Variants in STXBP5L observed in about 807,000 individuals in gnomAD.
STXBP5L encodes the protein syntaxin binding protein 5L, also known as syntaxin-binding protein 5-like.
STXBP5L carries 65 observed loss-of-function variants against 144.5 expected under a neutral mutation model. The observed-to-expected ratio is 0.45, with a 90% CI of 0.37 to 0.55. STXBP5L has a LOEUF of 0.55. Ranked by LOEUF, STXBP5L falls within the 20% of genes least tolerant of loss-of-function variation. STXBP5L has a pLI of 0.00. For synonymous variants in STXBP5L, 505 were observed against 469.6 expected (o/e 1.08, Z -0.97); for missense variants, 1,298 against 1,405.5 (o/e 0.92, Z 1.22).
intron 9 of STXBP5L, among the ~76,000 whole-genome samples, chr3:121,180,221 C>T (rs1400542886): frequency 6.6e-6 from 1 of 152,130 alleles, no homozygotes; most frequent in Non-Finnish European, 1.5e-5. Flanking sequence ...GAAAACCTGT[C>T]AGATTAGCAG....
chr3:120,998,484 C>G (rs140737583), intron 3 of STXBP5L, among the ~76,000 whole-genome samples: 2 of 151,982 alleles, frequency 1.3e-5, no homozygotes, highest in African/African-American at 4.8e-5. Context: ...CTGCACCCAT[C>G]AACCCATCAT....
At chr3:121,393,023 A>T (rs1173908800) in intron 22 of STXBP5L, among the ~76,000 whole-genome samples, 1 of 151,938 alleles carries the variant, frequency 6.6e-6, no homozygotes, top group African/African-American at 2.4e-5. Context: ...TTTCCATAGA[A>T]GTTGTACTAA....
intron 22 of STXBP5L, among the ~76,000 whole-genome samples, chr3:121,401,445 G>A (rs944126151): frequency 8.8e-5 from 13 of 147,876 alleles, no homozygotes; most frequent in African/African-American, 2.3e-4. Context: ...ACATGCACAC[G>A]TATGTTTATT....
At chr3:121,109,047 G>A (rs1049530210) in intron 5 of STXBP5L, among the ~76,000 whole-genome samples, 1 of 152,108 alleles carries the variant, frequency 6.6e-6, no homozygotes, top group East Asian at 1.9e-4. Flanking sequence ...TTTGTTTATA[G>A]TATTCTCTGA....
intron 9 of STXBP5L, among the ~76,000 whole-genome samples, chr3:121,187,115 G>A (rs149254487): frequency 1.2e-3 from 190 of 152,190 alleles, no homozygotes; most frequent in Non-Finnish European, 2.0e-3. Flanking sequence ...ACATGCACAC[G>A]TATGTTTATG....
At chr3:121,077,097 C>T (rs2042050023) in intron 5 of STXBP5L, among the ~76,000 whole-genome samples, 2 of 152,214 alleles carry the variant, frequency 1.3e-5, no homozygotes, top group South Asian at 4.1e-4. Context: ...CACACACTTT[C>T]ACACACTTCC....
At chr3:121,356,549 G>A (rs181671634) in intron 20 of STXBP5L, among the ~76,000 whole-genome samples, 11 of 152,356 alleles carry the variant, frequency 7.2e-5, no homozygotes, top group Admixed American at 5.9e-4. Flanking sequence ...TTTGGGAAAA[G>A]TACAGTATTT....
intron 19 of STXBP5L, among the ~76,000 whole-genome samples, chr3:121,299,189 T>A (rs1031586039): frequency 1.3e-5 from 2 of 152,172 alleles, no homozygotes; most frequent in African/African-American, 4.8e-5. Flanking sequence ...TCTATCATCG[T>A]CATTTTTTGA....
At chr3:121,054,430 G>T (rs910128531) in intron 5 of STXBP5L, among the ~76,000 whole-genome samples, 1 of 152,098 alleles carries the variant, frequency 6.6e-6, no homozygotes, top group African/African-American at 2.4e-5. Flanking sequence ...ATGAGTTCAT[G>T]TCCTTTGTAG....
intron 5 of STXBP5L, among the ~76,000 whole-genome samples, chr3:121,072,918 T>C (rs2041867170): frequency 6.6e-6 from 1 of 152,218 alleles, no homozygotes; most frequent in Non-Finnish European, 1.5e-5. Flanking sequence ...AAGCATGCCT[T>C]GAGTCAGTAT....
chr3:121,413,471 T>C (rs1351940472), intron 24 of STXBP5L, 148 bp downstream of exon 24: 5 of 647,596 alleles, frequency 7.7e-6, no homozygotes, highest in East Asian at 6.5e-5. Context: ...ATTTTGAGCC[T>C]ACCAACTTCT....
intron 5 of STXBP5L, among the ~76,000 whole-genome samples, chr3:121,048,920 T>A (rs1947725489): frequency 6.6e-6 from 1 of 152,198 alleles, no homozygotes; most frequent in African/African-American, 2.4e-5. Context: ...AGTGGCTGTG[T>A]TGTGCTAGAG....
intron 2 of STXBP5L, among the ~76,000 whole-genome samples, chr3:120,918,959 T>C (rs1161935082): frequency 6.6e-6 from 1 of 152,136 alleles, no homozygotes; most frequent in Non-Finnish European, 1.5e-5. Context: ...AATAGAGAAC[T>C]TTTAAATGTT....
intron 3 of STXBP5L, among the ~76,000 whole-genome samples, chr3:121,021,930 C>A (rs1945586683): frequency 6.6e-6 from 1 of 151,948 alleles, no homozygotes; most frequent in African/African-American, 2.4e-5. Context: ...CAGAGCAGAA[C>A]TAAATGAAAT....
chr3:120,935,353 C>T (rs1710207538), intron 2 of STXBP5L, among the ~76,000 whole-genome samples: 1 of 151,660 alleles, frequency 6.6e-6, no homozygotes, highest in Admixed American at 6.6e-5. Flanking sequence ...AGGTTATAAT[C>T]ACCAAGTACA....
chr3:121,114,010 A>G (rs1191132837), intron 5 of STXBP5L, among the ~76,000 whole-genome samples: 1 of 152,076 alleles, frequency 6.6e-6, no homozygotes, highest in Admixed American at 6.6e-5. Flanking sequence ...ACAATATCAT[A>G]TTGGAAATAT....
intron 5 of STXBP5L, among the ~76,000 whole-genome samples, chr3:121,079,907 G>T (rs1560101778): frequency 6.6e-6 from 1 of 152,176 alleles, no homozygotes; most frequent in Non-Finnish European, 1.5e-5. Context: ...TCTGTCTAGT[G>T]CTGTCAGTGG....
At chr3:121,218,688 C>T (rs2048880905) in intron 10 of STXBP5L, among the ~76,000 whole-genome samples, 1 of 151,760 alleles carries the variant, frequency 6.6e-6, no homozygotes. Flanking sequence ...TCAGATGTTG[C>T]CAAGCAAAGG....
At chr3:121,350,459 G>C (rs2045229592) in intron 20 of STXBP5L, among the ~76,000 whole-genome samples, 1 of 152,120 alleles carries the variant, frequency 6.6e-6, no homozygotes, top group Non-Finnish European at 1.5e-5. Context: ...TTCTCGAGGA[G>C]TATCTTTGTG....
Sources: allele counts gnomAD v4.1 joint callset (sites outside exome capture counted in the v4.1 genomes callset), GRCh38; gene constraint gnomAD v4.1.1; transcripts MANE v1.5; gene names NCBI Gene and HGNC (gene_info 2026-07-23, HGNC 2026-07-21).